CDH17: variants seen among roughly 807,000 people sequenced by gnomAD.
CDH17 encodes the protein cadherin 17.
CDH17 carries 67 observed loss-of-function variants against 86.3 expected under a neutral mutation model. The observed-to-expected ratio is 0.78, with a 90% confidence interval of 0.64 to 0.95. The LOEUF (loss-of-function observed/expected upper bound fraction) is 0.95, where lower values mean the gene tolerates loss of function less well. Among genes scored for constraint, CDH17 ranks in the 40% least tolerant of loss-of-function variants. The pLI is 0.00. For synonymous variants in CDH17, 367 were observed against 366.4 expected (o/e 1.00, Z -0.02); for missense variants, 993 against 1,017.6 (o/e 0.98, Z 0.33).
intron 1 of CDH17, among the ~76,000 whole-genome samples, chr8:94,200,891 G>C (rs11775940): frequency 1.3e-5 from 2 of 152,128 alleles, no homozygotes; most frequent in Non-Finnish European, 2.9e-5. Flanking sequence ...TGATTTCTCA[G>C]AACAACTCTA....
intron 3 of CDH17, among the ~76,000 whole-genome samples, chr8:94,185,977 G>T (rs184795251): frequency 1.1e-4 from 16 of 151,952 alleles, no homozygotes; most frequent in African/African-American, 2.9e-4. Context: ...TCTGTTTTTT[G>T]TTGTTGTTGT....
chr8:94,197,841 AAAAAAAAG>A (rs1212935955), intron 1 of CDH17, among the ~76,000 whole-genome samples: 1 of 150,704 alleles, frequency 6.6e-6, no homozygotes, highest in East Asian at 1.9e-4. Context: ...AAAAAAAAAA[AAAAAAAAG>A]AAAAAAAGAA....
At chr8:94,148,366 AC>A (rs1812785712) in intron 14 of CDH17, among the ~76,000 whole-genome samples, 1 of 151,828 alleles carries the variant, frequency 6.6e-6, no homozygotes, top group Admixed American at 6.6e-5. Flanking sequence ...ACATGGTGAA[AC>A]CCTGTCTCTA....
chr8:94,171,113 C>A, intron 7 of CDH17, 128 bp from the exon 8 acceptor site: 1 of 951,950 alleles, frequency 1.1e-6, no homozygotes, highest in Non-Finnish European at 1.5e-6. Flanking sequence ...CTTGTAACAA[C>A]TGAATTACGT....
At chr8:94,135,164 G>T (rs992617654) in intron 15 of CDH17, among the ~76,000 whole-genome samples, 3 of 152,152 alleles carry the variant, frequency 2.0e-5, no homozygotes, top group African/African-American at 4.8e-5. Flanking sequence ...TTCTGTAGAT[G>T]TCTATTAGGT....
chr8:94,139,645 A>G (rs1196859362), intron 15 of CDH17, among the ~76,000 whole-genome samples: 2 of 152,200 alleles, frequency 1.3e-5, no homozygotes, highest in African/African-American at 2.4e-5. Context: ...GCTCATGCCT[A>G]TAATCCCAGC....
Position 94,162,116 on chromosome 8 carries a change from A to G in CDH17, c.1329T>C (p.Asn443=). The change falls in exon 11 of 18, where the codon AAT becomes AAC. Residue 443 remains asparagine, a synonymous_variant. Transcript: ENST00000027335. ...ATTTTTCAAAGATGGGGATCTGATC[A>G]TTGATATCAATAACGTTGATTTGCA... ...CFVQINVIDI[N]DQIPIFEKSD... 6.2e-7 allele frequency: 1 copy of G among 1,606,266 alleles called. No individual in the cohort carries two copies. Among genetic ancestry groups the G allele is most frequent in the Non-Finnish European group, 8.5e-7 (1 of 1,172,968 alleles).
At chr8:94,195,100 C>T (rs529470042) in intron 1 of CDH17, among the ~76,000 whole-genome samples, 105 of 152,308 alleles carry the variant, frequency 6.9e-4, no homozygotes, top group African/African-American at 2.5e-3. Context: ...CTCCTGGGTT[C>T]AAGCAGTTCT....
At chr8:94,213,326 G>C (rs565679064), upstream of CDH17, among the ~76,000 whole-genome samples, 2 of 152,298 alleles carry the variant, frequency 1.3e-5, no homozygotes, top group Non-Finnish European at 2.9e-5. Flanking sequence ...AGAAACACTA[G>C]CTTAAGGAAT....
In CDH17 at chr8:94,192,646, TC is replaced by T. The variant is rs1298248334; in HGVS notation, c.51+1988del. Among the ~76,000 whole-genome samples, 4 of 152,118 alleles carry T rather than the reference TC, an allele frequency of 2.6e-5. No homozygotes were observed. The East Asian group carries it at 7.7e-4, about 29-fold the overall frequency. ...TTGCCAGGTTCACCTACTTGGTAGC[TC>T]CATCAAGAGCTCAGTGCAGTGATTA... On this transcript the variant is annotated intron_variant, in intron 2 of 17. Transcript: ENST00000027335.
At chr8:94,208,097 C>T (rs951218528) in intron 1 of CDH17, among the ~76,000 whole-genome samples, 19 of 152,276 alleles carry the variant, frequency 1.2e-4, no homozygotes, top group African/African-American at 3.4e-4. Flanking sequence ...GTGATTCCAA[C>T]CCCAATTTCT....
intron 12 of CDH17, 151 bp from the exon 13 acceptor site, chr8:94,152,263 A>T (rs1268853853): frequency 5.0e-6 from 4 of 807,126 alleles, no homozygotes; most frequent in Non-Finnish European, 5.7e-6. Context: ...AGACTATTTC[A>T]TACCATATAT....
At chr8:94,190,873 A>T (rs1733847589) in intron 2 of CDH17, among the ~76,000 whole-genome samples, 1 of 152,204 alleles carries the variant, frequency 6.6e-6, no homozygotes, top group Admixed American at 6.5e-5. Flanking sequence ...ACCTTGACTA[A>T]GTTGGATGCT....
At chr8:94,199,083 A>ATATATTTTTTTTT (rs1283889347) in intron 1 of CDH17, among the ~76,000 whole-genome samples, 1 of 23,224 alleles carries the variant, frequency 4.3e-5, no homozygotes, top group African/African-American at 1.1e-4. Flanking sequence ...ATATATATAT[A>ATATATTTTTTTTT]TTTTTTTTTT....
chr8:94,174,160 G>A lies in CDH17; in HGVS notation c.525C>T (p.Asn175=). 6.2e-7 allele frequency: 1 copy of A among 1,613,540 alleles called. No individual in the cohort carries two copies. The highest frequency in any genetic ancestry group is 8.5e-7 in the Non-Finnish European group (1 of 1,179,662). The change falls in exon 6 of 18, where the codon AAC becomes AAT. Residue 175 remains asparagine (N), a synonymous_variant. Coordinates refer to ENST00000027335, the MANE Select transcript of CDH17 (RefSeq NM_004063.4). ...TGTTGATCTGAAAGTACATGACATT[G>A]TTGATCATGGGAAGCTGGATGACAA... The part of the protein sequence containing the change: ...YQIVIQLPMI[N]NVMYFQINNK...
intron 3 of CDH17, among the ~76,000 whole-genome samples, chr8:94,185,601 G>A (rs1813564120): frequency 6.6e-6 from 1 of 152,056 alleles, no homozygotes; most frequent in African/African-American, 2.4e-5. Context: ...TGTACTCACA[G>A]AACACCTACT....
chr8:94,132,821 T>C (rs1433476322), intron 15 of CDH17, among the ~76,000 whole-genome samples: 1 of 152,214 alleles, frequency 6.6e-6, no homozygotes, highest in Non-Finnish European at 1.5e-5. Flanking sequence ...AAGTCTTTAA[T>C]CCATCTTGAA....
chr8:94,171,841 C>A (rs1266766335), intron 7 of CDH17, among the ~76,000 whole-genome samples: 1 of 152,166 alleles, frequency 6.6e-6, no homozygotes, highest in Non-Finnish European at 1.5e-5. Flanking sequence ...GGGAAGATAT[C>A]ACAGCAGCAA....
At chr8:94,206,874 C>T (rs573154575) in intron 1 of CDH17, among the ~76,000 whole-genome samples, 1 of 152,138 alleles carries the variant, frequency 6.6e-6, no homozygotes, top group South Asian at 2.1e-4. Flanking sequence ...TCTTGAACTC[C>T]AGCACAAGCG....
Sources: allele counts gnomAD v4.1 joint callset (sites outside exome capture counted in the v4.1 genomes callset), GRCh38; gene constraint gnomAD v4.1.1; transcripts MANE v1.5; gene names NCBI Gene and HGNC (gene_info 2026-07-23, HGNC 2026-07-21).